Variants in RAPH1 observed in about 807,000 individuals in gnomAD.
The protein encoded by RAPH1 is ras-associated and pleckstrin homology domains-containing protein 1.
In RAPH1, 18 loss-of-function variants were observed where a neutral mutation model predicts 88.1. The ratio of observed to expected loss-of-function variants is 0.20; its 90% CI spans 0.14 to 0.30. RAPH1 has a LOEUF of 0.30. Among genes scored for constraint, RAPH1 ranks in the 10% least tolerant of loss-of-function variants. The probability of loss-of-function intolerance (pLI) is 1.00; values close to 1 mark genes in which losing one functional copy is unlikely to be tolerated. For synonymous variants in RAPH1, 587 were observed against 559.0 expected (o/e 1.05, Z -0.71); for missense variants, 1,448 against 1,543.2 (o/e 0.94, Z 1.03).
rs142483442 is a variant in RAPH1, at chr2:203,448,463, G to A, written c.1512+275C>T. Among the ~76,000 whole-genome samples, 719 of 152,202 alleles carry A rather than the reference G, an allele frequency of 4.7e-3. 8 individuals are homozygous for A. The highest frequency in any genetic ancestry group is 0.016 in the African/African-American group (666 of 41,526). ...GCTTAGGCTAAACTCTACTATTTAA[G>A]AATCATATAATGCATTCTCCAAAGC... On this transcript the variant is annotated intron_variant, in intron 11 of 13. Coordinates refer to ENST00000319170, the MANE Select transcript of RAPH1 (RefSeq NM_213589.3). This position sits in a 1 kb window ranked among gnomAD's most constrained non-coding sequence, Gnocchi z 4.1.
chr2:203,506,816 A>ATATCTATATATC (rs1559494530), intron 1 of RAPH1, among the ~76,000 whole-genome samples: 9 of 87,744 alleles, frequency 1.0e-4, no homozygotes, highest in Non-Finnish European at 1.4e-4. Flanking sequence ...CTATATCTAT[A>ATATCTATATATC]TATCTATATA....
chr2:203,473,888 T>C (rs2098535213), intron 4 of RAPH1, among the ~76,000 whole-genome samples: 1 of 152,124 alleles, frequency 6.6e-6, no homozygotes, highest in South Asian at 2.1e-4. Flanking sequence ...TATTCAACCA[T>C]TTTTTAGGCT....
Position 203,434,731 on chromosome 2 carries a change from C to A in RAPH1, c.*4706G>T, listed in dbSNP as rs903002546. On this transcript the variant is annotated 3_prime_UTR_variant, in exon 14 of 14. Transcript: ENST00000319170. ...ACTGCCTAAGACGTTGAGGCTGCAACAATCATGAGCTTGGTATTAGTAGCC... is the reference window on the plus strand; with the variant it reads ...ACTGCCTAAGACGTTGAGGCTGCAAAAATCATGAGCTTGGTATTAGTAGCC... 6.6e-6 allele frequency: 1 copy of A among 152,390 alleles called. No homozygotes were observed. The highest frequency in any genetic ancestry group is 1.5e-5 in the Non-Finnish European group (1 of 68,024). The allele number at this position is 152,390 out of a possible 1,614,324, so 9.4% of individuals were successfully genotyped here. A position where few individuals can be genotyped will look rare whatever the true frequency, so the allele number is the denominator to read the frequency against.
chr2:203,493,003 G>C (rs1360101346), intron 2 of RAPH1, among the ~76,000 whole-genome samples: 1 of 152,166 alleles, frequency 6.6e-6, no homozygotes, highest in Non-Finnish European at 1.5e-5. Flanking sequence ...CGTGATACAG[G>C]TGTACAGATA....
chr2:203,486,714 A>C, intron 4 of RAPH1, among the ~76,000 whole-genome samples: 1 of 152,322 alleles, frequency 6.6e-6, no homozygotes, highest in Middle Eastern at 3.4e-3. Flanking sequence ...TTTGCACTTA[A>C]AGACAATTTG....
chr2:203,454,575 A>C, intron 9 of RAPH1, 35 bp from the exon 10 acceptor site: 1 of 1,475,560 alleles, frequency 6.8e-7, no homozygotes. Flanking sequence ...AAAATTAATA[A>C]TAATGCACAA....
chr2:203,448,647 A>G lies in RAPH1; in HGVS notation c.1512+91T>C, dbSNP rs2098512079. 4 of 798,748 alleles carry G rather than the reference A, an allele frequency of 5.0e-6. No homozygotes were observed. Among genetic ancestry groups the G allele is most frequent in the Non-Finnish European group, 7.7e-6 (4 of 517,072 alleles). The allele number at this position is 798,748 out of a possible 1,614,324, so 49.5% of individuals were successfully genotyped here. ...CGTAGGCACTGGCAAATCCATGAAC[A>G]TGAAATAGTCAGAATAGTTGTCATG... On this transcript the variant is annotated intron_variant, in intron 11 of 13. Coordinates refer to ENST00000319170, the MANE Select transcript of RAPH1 (RefSeq NM_213589.3). This position sits in a 1 kb window ranked among gnomAD's most constrained non-coding sequence, Gnocchi z 4.1.
chr2:203,492,670 A>G (rs1170629111), intron 2 of RAPH1, among the ~76,000 whole-genome samples: 3 of 152,232 alleles, frequency 2.0e-5, no homozygotes, highest in Non-Finnish European at 4.4e-5. Flanking sequence ...TTCACAAAAT[A>G]TAAGGATTAG....
At chr2:203,445,092 T>C in intron 12 of RAPH1, 82 bp from the exon 13 acceptor site, 1 of 1,283,064 alleles carries the variant, frequency 7.8e-7, no homozygotes, top group East Asian at 2.3e-5. Context: ...GTTAGATCTT[T>C]TACACAAGGT....
intron 4 of RAPH1, chr2:203,477,014 G>A: frequency 1.8e-6 from 2 of 1,107,152 alleles, no homozygotes; most frequent in Non-Finnish European, 2.7e-6. Context: ...TTCATCATTT[G>A]GAGGTCTAAT....
chr2:203,504,779 T>G (rs1688904268), intron 1 of RAPH1, among the ~76,000 whole-genome samples: 1 of 152,200 alleles, frequency 6.6e-6, no homozygotes, highest in Non-Finnish European at 1.5e-5. Context: ...AGCACCCAAG[T>G]CACCTTTTGA....
At position 203,444,936 on chromosome 2, in the gene RAPH1, G is replaced by C; in HGVS notation, c.1708C>G (p.Gln570Glu). Residue 570 changes from glutamine to glutamate, a missense_variant, in exon 13 of 14, where the codon CAG (glutamine) becomes GAG (glutamate). Gln to Glu is a conservative substitution (Grantham distance 29). Around this residue, in one of 2 missense-constraint regions of RAPH1, gnomAD observed 935 missense variants for 890.1 expected, o/e 1.05. Transcript: ENST00000319170. The part of the protein sequence containing the change: ...DTQPAGHVRS[Q>E]SIVSSVFSEA... ...GAGAATACGGAGCTCACAATGCTCT[G>C]GGAACGGACGTGTCCTGCTGGCTGG... 6.2e-7 allele frequency: 1 copy of C among 1,614,162 alleles called. No individual in the cohort carries two copies. Among genetic ancestry groups the C allele is most frequent in the Non-Finnish European group, 8.5e-7 (1 of 1,179,992 alleles).
Position 203,448,783 on chromosome 2 carries a change from A to G in RAPH1, c.1467T>C (p.Asp489=), listed in dbSNP as rs746474185. 3 of 1,612,082 alleles carry G rather than the reference A, an allele frequency of 1.9e-6. No individual in the cohort carries two copies. The highest frequency in any genetic ancestry group is 2.5e-6 in the Non-Finnish European group (3 of 1,179,224). ...SQYIKYLCCD[D]VRTLHQWVNG... ...TGACCCACTGATGCAGTGTCCTCAC[A>G]TCATCACAACAAAGGTATTTGATAT... Residue 489 remains aspartate, a synonymous_variant, in exon 11 of 14, where the codon GAT becomes GAC. Coordinates refer to ENST00000319170, the MANE Select transcript of RAPH1 (RefSeq NM_213589.3). This position sits in a 1 kb window ranked among gnomAD's most constrained non-coding sequence, Gnocchi z 4.1.
Position 203,531,348 on chromosome 2 carries a change from T to C in RAPH1, c.-1+3763A>G, listed in dbSNP as rs146273747. On this transcript the variant is annotated intron_variant, in intron 1 of 13. Transcript: ENST00000319170. ...GCAGCAAACAAACATGGCACACGTATACCTATGTAACAAACCTGCACGTTG... is the reference window on the plus strand; with the variant it reads ...GCAGCAAACAAACATGGCACACGTACACCTATGTAACAAACCTGCACGTTG... Among the ~76,000 whole-genome samples, 1,019 of 152,274 alleles carry C rather than the reference T, an allele frequency of 6.7e-3. 3 individuals carry two copies. The highest frequency in any genetic ancestry group is 0.054 in the Middle Eastern group (16 of 294).
chr2:203,445,327 TAATG>T (rs1232018238), intron 12 of RAPH1: 2 of 238,094 alleles, frequency 8.4e-6, no homozygotes, highest in African/African-American at 2.3e-5. Flanking sequence ...ATAAAAGAAT[TAATG>T]AACCATCAGT....
At chr2:203,455,846 TAAAAA>T (rs1034193198) in intron 8 of RAPH1, among the ~76,000 whole-genome samples, 2 of 123,378 alleles carry the variant, frequency 1.6e-5, no homozygotes, top group Non-Finnish European at 3.5e-5. Context: ...CGTCTCTACT[TAAAAA>T]AAAAAAAAAA....
chr2:203,481,881 C>T (rs967218539), intron 4 of RAPH1, among the ~76,000 whole-genome samples: 10 of 151,148 alleles, frequency 6.6e-5, no homozygotes, highest in African/African-American at 2.2e-4. Context: ...GGATTACGGG[C>T]GTGAGCCACT....
intron 4 of RAPH1, among the ~76,000 whole-genome samples, chr2:203,488,588 T>TAAAA (rs750783858): frequency 2.7e-4 from 10 of 36,650 alleles, no homozygotes; most frequent in African/African-American, 6.7e-4. Flanking sequence ...CTCCGTCTAT[T>TAAAA]AAAAAAAAAA....
chr2:203,522,906 A>G (rs1360245299), intron 1 of RAPH1, among the ~76,000 whole-genome samples: 1 of 151,318 alleles, frequency 6.6e-6, no homozygotes, highest in Non-Finnish European at 1.5e-5. Flanking sequence ...AAAAAAAAAA[A>G]AAAAAAAAAA....
Sources: gnomAD v4.1 joint callset for allele counts (sites outside exome capture counted in the v4.1 genomes callset) on GRCh38, gnomAD v4.1.1 for gene constraint, gnomAD v4.1.1 regional missense constraint, Gnocchi (gnomAD v3.1) non-coding constraint, MANE v1.5 for transcripts, NCBI Gene and HGNC (gene_info 2026-07-23, HGNC 2026-07-21) for gene names.